SYT9: variants seen among roughly 807,000 people sequenced by gnomAD.
The protein encoded by SYT9 is synaptotagmin-9.
A neutral mutation model predicts 48.4 loss-of-function variants in SYT9; 22 were observed. That is an observed-to-expected ratio of 0.45 (90% CI 0.32 to 0.65). SYT9 has a LOEUF of 0.65. Ranked by LOEUF, SYT9 falls within the 30% of genes least tolerant of loss-of-function variation. SYT9 has a pLI of 0.03. For synonymous variants in SYT9, 265 were observed against 245.0 expected, an observed-to-expected ratio of 1.08 and a Z score of -0.76; for missense variants, 577 against 622.0, an observed-to-expected ratio of 0.93 and a Z score of 0.77.
intron 6 of SYT9, among the ~76,000 whole-genome samples, chr11:7,459,481 A>G (rs1212841453): frequency 6.6e-6 from 1 of 152,246 alleles, no homozygotes; most frequent in African/African-American, 2.4e-5. Context: ...AAGGCAAGAA[A>G]GAAATTGTTT....
chr11:7,323,763 G>A (rs1849378392), intron 3 of SYT9, among the ~76,000 whole-genome samples: 1 of 151,762 alleles, frequency 6.6e-6, no homozygotes, highest in Non-Finnish European at 1.5e-5. Context: ...TTCACAATGT[G>A]TTGCTTTTTT....
chr11:7,393,874 G>T (rs1457968011), intron 3 of SYT9, among the ~76,000 whole-genome samples: 1 of 151,520 alleles, frequency 6.6e-6, no homozygotes, highest in East Asian at 1.9e-4. Context: ...TCTAGTTTGT[G>T]TGCATAGAGT....
At chr11:7,336,125 G>A (rs1849626821) in intron 3 of SYT9, among the ~76,000 whole-genome samples, 1 of 151,896 alleles carries the variant, frequency 6.6e-6, no homozygotes. Context: ...ATTTTTGTTG[G>A]TCACGTATCT....
chr11:7,263,587 G>A (rs1848119549), intron 1 of SYT9, among the ~76,000 whole-genome samples: 1 of 152,156 alleles, frequency 6.6e-6, no homozygotes, highest in African/African-American at 2.4e-5. Flanking sequence ...GGACCAGAAA[G>A]TAACGTGGAG....
intron 1 of SYT9, among the ~76,000 whole-genome samples, chr11:7,257,543 A>C (rs1274175454): frequency 1.3e-5 from 2 of 152,192 alleles, no homozygotes; most frequent in Non-Finnish European, 2.9e-5. Flanking sequence ...CTATGAAAAA[A>C]ATCTCCAAAA....
At chr11:7,420,254 G>A (rs12785293) in intron 5 of SYT9, among the ~76,000 whole-genome samples, 21,422 of 152,060 alleles carry the variant, frequency 0.14, 1,565 homozygotes, top group East Asian at 0.29. Flanking sequence ...AGCACAAATC[G>A]TGGGGTTCTT....
At chr11:7,372,979 T>A (rs1038446632) in intron 3 of SYT9, among the ~76,000 whole-genome samples, 6 of 152,132 alleles carry the variant, frequency 3.9e-5, no homozygotes, top group African/African-American at 1.4e-4. Flanking sequence ...TTCCCCAATA[T>A]TTTTCTATTG....
chr11:7,303,095 G>A lies in SYT9; in HGVS notation c.202G>A (p.Gly68Ser), dbSNP rs1372671992. The stretch of plus-strand genomic sequence containing the variant: ...CACTGCCTGTGGTCTCGCTCTCTTT[G>A]GCGTGTCTCTCTTCGTATCTTGGAA... ...VVTACGLALF[G>S]VSLFVSWKLC... Residue 68 changes from glycine (G) to serine (S), a missense_variant, in exon 2 of 7, where the codon GGC (glycine) becomes AGC (serine). Physicochemically the swap from Gly to Ser is moderately conservative, Grantham distance 56. Coordinates refer to ENST00000318881, the MANE Select transcript of SYT9 (RefSeq NM_175733.4). 1.9e-6 allele frequency: 3 copies of A among 1,614,080 alleles called. No individual in the cohort carries two copies. The highest frequency in any genetic ancestry group is 2.5e-6 in the Non-Finnish European group (3 of 1,180,044).
At chr11:7,413,474 C>T (rs991944844) in intron 3 of SYT9, among the ~76,000 whole-genome samples, 10 of 152,130 alleles carry the variant, frequency 6.6e-5, no homozygotes, top group Non-Finnish European at 1.2e-4. Flanking sequence ...CTGTGAGGAT[C>T]GAGGGGCTCT....
At chr11:7,248,273 A>G (rs535158407), upstream of SYT9, among the ~76,000 whole-genome samples, 35 of 150,590 alleles carry the variant, frequency 2.3e-4, no homozygotes, top group African/African-American at 8.3e-4. Flanking sequence ...CCACTCTGTG[A>G]GTTGTCTGTT....
chr11:7,277,372 G>T (rs925695011), intron 1 of SYT9, among the ~76,000 whole-genome samples: 1 of 152,190 alleles, frequency 6.6e-6, no homozygotes, highest in Non-Finnish European at 1.5e-5. Context: ...TATGTGCTGT[G>T]TGTTACTGAA....
At chr11:7,453,261 G>A (rs149812339) in intron 6 of SYT9, among the ~76,000 whole-genome samples, 22 of 152,226 alleles carry the variant, frequency 1.4e-4, no homozygotes, top group African/African-American at 4.1e-4. Flanking sequence ...GCATGGTGGC[G>A]TGCCCACTAT....
At chr11:7,325,007 A>G (rs1311780726) in intron 3 of SYT9, among the ~76,000 whole-genome samples, 2 of 152,184 alleles carry the variant, frequency 1.3e-5, no homozygotes, top group Non-Finnish European at 2.9e-5. Flanking sequence ...TAAAAATATG[A>G]TATTAGTACT....
intron 3 of SYT9, among the ~76,000 whole-genome samples, chr11:7,391,762 A>G (rs1474031584): frequency 6.7e-6 from 1 of 148,492 alleles, no homozygotes; most frequent in Non-Finnish European, 1.5e-5. Flanking sequence ...AAAAAAAAAA[A>G]AAACCTAGCT....
At chr11:7,432,910 C>T (rs982298572) in intron 6 of SYT9, among the ~76,000 whole-genome samples, 30 of 151,794 alleles carry the variant, frequency 2.0e-4, no homozygotes, top group Middle Eastern at 3.4e-3. Context: ...TTGTATTTTG[C>T]AATATGGGAA....
chr11:7,442,365 G>C (rs528396743), intron 6 of SYT9, among the ~76,000 whole-genome samples: 1 of 152,286 alleles, frequency 6.6e-6, no homozygotes, highest in African/African-American at 2.4e-5. Context: ...GCAAACCAGG[G>C]TGGAGGATGG....
At position 7,381,304 on chromosome 11, in the gene SYT9, T is replaced by A. The variant is rs149306784; in HGVS notation, c.1045-34738T>A. Among the ~76,000 whole-genome samples the A allele has an allele frequency of 3.3e-4, 50 of 152,332 alleles. No homozygotes were observed. The East Asian group carries it at 8.7e-3, about 26-fold the overall frequency. On this transcript the variant is annotated intron_variant, in intron 3 of 6. Transcript: ENST00000318881. ...TCTGGTATCATCTGCTTTTAATGAA[T>A]CTATTGGGACACAATGATTTTTAGG...
chr11:7,362,099 CT>C (rs367765171), intron 3 of SYT9, among the ~76,000 whole-genome samples: 2 of 150,972 alleles, frequency 1.3e-5, no homozygotes, highest in African/African-American at 4.8e-5. Context: ...CTTTTCTTCT[CT>C]TTTTTTCTTT....
intron 3 of SYT9, among the ~76,000 whole-genome samples, chr11:7,355,359 G>T (rs1849999140): frequency 6.6e-6 from 1 of 152,206 alleles, no homozygotes; most frequent in Non-Finnish European, 1.5e-5. Context: ...GGTTACCCCA[G>T]TGTGCACCAG....
Sources: gnomAD v4.1 joint callset for allele counts (sites outside exome capture counted in the v4.1 genomes callset) on GRCh38, gnomAD v4.1.1 for gene constraint, MANE v1.5 for transcripts, NCBI Gene and HGNC (gene_info 2026-07-23, HGNC 2026-07-21) for gene names.